Variants in DENND4C observed in about 807,000 individuals in gnomAD.
DENND4C encodes DENN domain containing 4C, also known as DENN domain-containing protein 4C.
Under a neutral mutation model 203.0 loss-of-function variants are expected in DENND4C, and 108 were observed. The observed-to-expected ratio is 0.53, with a 90% CI of 0.46 to 0.62. DENND4C has a LOEUF of 0.62. Ranked by LOEUF, DENND4C falls within the 20% of genes least tolerant of loss-of-function variation. DENND4C has a pLI of 0.00. For synonymous variants in DENND4C, 871 were observed against 792.4 expected (o/e 1.10, Z -1.67); for missense variants, 2,481 against 2,301.2 (o/e 1.08, Z -1.60).
At chr9:19,338,887 C>T (rs1476688685) in intron 20 of DENND4C, among the ~76,000 whole-genome samples, 2 of 152,138 alleles carry the variant, frequency 1.3e-5, no homozygotes, top group Non-Finnish European at 2.9e-5. Flanking sequence ...AATGGAGGTA[C>T]TGCATATGTT....
At chr9:19,268,550 A>T (rs973473680) in intron 1 of DENND4C, among the ~76,000 whole-genome samples, 3 of 151,976 alleles carry the variant, frequency 2.0e-5, no homozygotes, top group Non-Finnish European at 4.4e-5. Flanking sequence ...GTAATTTCTC[A>T]TTGCTCATTA....
intron 10 of DENND4C, among the ~76,000 whole-genome samples, chr9:19,308,248 C>T (rs906587043): frequency 1.3e-5 from 2 of 152,172 alleles, no homozygotes; most frequent in African/African-American, 4.8e-5. Flanking sequence ...TGAGCATTTT[C>T]AACTTAATAG....
rs773567081 is a variant in DENND4C at position 19,326,093 on chromosome 9, A to G, written c.2019A>G (p.Arg673=). The part of the protein sequence containing the change: ...KVDFDSAEDT[R]LIELDDSQKS... ...ATTTTGATTCAGCAGAAGATACCAGATTGATAGAACTAGATGATTCACAGA... is the reference window on the plus strand; with the variant it reads ...ATTTTGATTCAGCAGAAGATACCAGGTTGATAGAACTAGATGATTCACAGA... Residue 673 remains arginine, a synonymous_variant, in exon 15 of 33, where the codon AGA becomes AGG. Transcript: ENST00000434457. 28 of 1,612,062 alleles carry G rather than the reference A, an allele frequency of 1.7e-5. No individual in the cohort carries two copies. In the Admixed American group the frequency reaches 2.2e-4, roughly 13 times the overall value.
intron 21 of DENND4C, among the ~76,000 whole-genome samples, chr9:19,341,926 C>T (rs1334517888): frequency 6.6e-6 from 1 of 151,950 alleles, no homozygotes; most frequent in Admixed American, 6.6e-5. Flanking sequence ...CGTTTGAGAC[C>T]AGCCTGGCCA....
intron 26 of DENND4C, 147 bp from the exon 27 acceptor site, chr9:19,356,825 G>GA: frequency 1.5e-6 from 1 of 680,042 alleles, no homozygotes; most frequent in Non-Finnish European, 2.4e-6. Flanking sequence ...GAGTGAGAGT[G>GA]TATTGGAAAT....
Position 19,316,488 on chromosome 9 carries a change from T to G in DENND4C, c.1559T>G (p.Leu520Ter). The change falls in exon 11 of 33, where the codon TTA becomes TGA. Residue 520 changes from leucine (L) to a stop codon, truncating the protein, a stop_gained. Transcript: ENST00000434457. LOFTEE classifies it high-confidence loss of function. ...CCGTGCAAAAATCTACTTAGCACCT[T>G]AAAGAAATTGTATCCCCAGCTGTCT... Reference protein sequence around the residue: ...KKPCKNLLSTLKKLYPQLSSV... With the variant: ...KKPCKNLLST 1 of 1,613,740 alleles carries G rather than the reference T, an allele frequency of 6.2e-7. No homozygotes were observed. The highest frequency in any genetic ancestry group is 8.5e-7 in the Non-Finnish European group (1 of 1,179,900).
chr9:19,307,638 T>C (rs1839951253), intron 10 of DENND4C, among the ~76,000 whole-genome samples: 1 of 151,260 alleles, frequency 6.6e-6, no homozygotes. Flanking sequence ...GGCATGGTGG[T>C]GGGCGCCTGT....
intron 1 of DENND4C, among the ~76,000 whole-genome samples, chr9:19,260,459 A>G (rs1829082308): frequency 6.6e-6 from 1 of 151,914 alleles, no homozygotes; most frequent in Non-Finnish European, 1.5e-5. Context: ...ATGGGGTGGC[A>G]TGATCTCGGC....
chr9:19,278,552 A>G (rs2130948767), intron 2 of DENND4C, among the ~76,000 whole-genome samples: 1 of 152,166 alleles, frequency 6.6e-6, no homozygotes, highest in Admixed American at 6.6e-5. Context: ...AGATCCTCAT[A>G]CTCCATGGAA....
At chr9:19,348,346 A>G (rs1297713372) in intron 23 of DENND4C, among the ~76,000 whole-genome samples, 1 of 152,172 alleles carries the variant, frequency 6.6e-6, no homozygotes, top group Non-Finnish European at 1.5e-5. Context: ...AGGAGAAGAT[A>G]CCAAAGAGCA....
Position 19,290,766 on chromosome 9 carries a change from C to A in DENND4C, c.691C>A (p.Pro231Thr). The change falls in exon 5 of 33, where the codon CCT becomes ACT. Residue 231 changes from proline to threonine, a missense_variant. Coordinates refer to ENST00000434457, the MANE Select transcript of DENND4C (RefSeq NM_001330640.2). ...ATTTCCACTCTCAGAATCAGATGTACCTCTTTTCTGCCTTCCTATGGGAGC... is the reference window on the plus strand; with the variant it reads ...ATTTCCACTCTCAGAATCAGATGTAACTCTTTTCTGCCTTCCTATGGGAGC... ...ESFPLSESDVPLFCLPMGATI... is the reference protein window; with the variant it reads ...ESFPLSESDVTLFCLPMGATI... 1 of 1,602,322 alleles carries A rather than the reference C, an allele frequency of 6.2e-7. No individual in the cohort carries two copies. The highest frequency in any genetic ancestry group is 1.1e-5 in the South Asian group (1 of 88,780).
At chr9:19,322,731 C>CAAAA (rs35416492) in intron 12 of DENND4C, among the ~76,000 whole-genome samples, 2 of 65,560 alleles carry the variant, frequency 3.1e-5, no homozygotes, top group African/African-American at 9.3e-5. Flanking sequence ...GACTTCATCT[C>CAAAA]AAAAAAAAAA....
intron 1 of DENND4C, among the ~76,000 whole-genome samples, chr9:19,233,632 C>T (rs376952733): frequency 2.2e-5 from 3 of 136,630 alleles, no homozygotes; most frequent in African/African-American, 8.2e-5. Flanking sequence ...GTGATCTCGG[C>T]TCACTGCAGC....
intron 1 of DENND4C, among the ~76,000 whole-genome samples, chr9:19,248,933 G>T (rs1378796020): frequency 6.6e-6 from 1 of 151,996 alleles, no homozygotes; most frequent in Admixed American, 6.6e-5. Context: ...TGGGATTACA[G>T]GCGTGAGCCA....
rs554521206 is a variant in DENND4C, at chr9:19,373,814, C to G, written c.*1641C>G. On this transcript the variant is annotated 3_prime_UTR_variant, in exon 33 of 33. Coordinates refer to ENST00000434457, the MANE Select transcript of DENND4C (RefSeq NM_001330640.2). ...TTACTTCCATATGGTACAGTAACAA[C>G]CTAACTCCCTTCTACCTGATGTAAC... Among the ~76,000 whole-genome samples the G allele has an allele frequency of 6.6e-6, 1 of 152,294 alleles. No homozygotes were observed. Among genetic ancestry groups the G allele is most frequent in the South Asian group, 2.1e-4 (1 of 4,830 alleles).
intron 1 of DENND4C, among the ~76,000 whole-genome samples, chr9:19,259,504 T>C (rs1466718784): frequency 1.4e-5 from 2 of 142,484 alleles, no homozygotes; most frequent in African/African-American, 5.2e-5. Context: ...TTTTCTTTTT[T>C]CTTTTTTTTT....
intron 20 of DENND4C, among the ~76,000 whole-genome samples, chr9:19,338,785 T>G (rs1821015592): frequency 6.6e-6 from 1 of 152,220 alleles, no homozygotes; most frequent in Admixed American, 6.5e-5. Context: ...TGACTGAAGT[T>G]AGTCATTCTA....
At chr9:19,352,227 AT>A in intron 25 of DENND4C, 45 bp downstream of exon 25, 1 of 1,534,908 alleles carries the variant, frequency 6.5e-7, no homozygotes, top group Non-Finnish European at 9.0e-7. Context: ...CTGTAAGCAT[AT>A]TTTTATTTCA....
intron 2 of DENND4C, among the ~76,000 whole-genome samples, chr9:19,280,547 T>G (rs1164986135): frequency 6.6e-6 from 1 of 152,092 alleles, no homozygotes; most frequent in Non-Finnish European, 1.5e-5. Context: ...TTGTTCTGTT[T>G]TTTTTTCTCT....
Sources: gnomAD v4.1 joint callset for allele counts (sites outside exome capture counted in the v4.1 genomes callset) on GRCh38, gnomAD v4.1.1 for gene constraint, MANE v1.5 for transcripts, NCBI Gene and HGNC (gene_info 2026-07-23, HGNC 2026-07-21) for gene names.